GABBR2: variants seen among roughly 807,000 people sequenced by gnomAD.
GABBR2 encodes gamma-aminobutyric acid type B receptor subunit 2.
A neutral mutation model predicts 105.6 loss-of-function variants in GABBR2; 23 were observed. The observed-to-expected ratio is 0.22, with a 90% CI of 0.16 to 0.31. The LOEUF (loss-of-function observed/expected upper bound fraction) is 0.31, where lower values mean the gene tolerates loss of function less well. Among genes scored for constraint, GABBR2 ranks in the 10% least tolerant of loss-of-function variants. The pLI is 1.00. For missense variants in GABBR2, 734 were observed against 1,245.5 expected (o/e 0.59, Z 6.18); for synonymous variants, 478 against 499.7 (o/e 0.96, Z 0.58).
chr9:98,507,920 C>A (rs1221306155), intron 3 of GABBR2, among the ~76,000 whole-genome samples: 2 of 152,198 alleles, frequency 1.3e-5, no homozygotes, highest in Non-Finnish European at 2.9e-5. Flanking sequence ...CATCCCCAAC[C>A]ATCAGTCTTC....
intron 17 of GABBR2, among the ~76,000 whole-genome samples, chr9:98,298,041 T>TAG (rs1641788405): frequency 7.5e-6 from 1 of 133,556 alleles, no homozygotes; most frequent in African/African-American, 2.8e-5. Context: ...GACTCCATCT[T>TAG]AAAAAAAAAA....
intron 9 of GABBR2, among the ~76,000 whole-genome samples, chr9:98,391,166 T>C (rs1290312615): frequency 1.3e-5 from 2 of 152,042 alleles, no homozygotes; most frequent in Admixed American, 6.6e-5. Context: ...AGATGAAAAA[T>C]ACACTGTCCC....
chr9:98,559,113 G>A (rs190226533), intron 2 of GABBR2, among the ~76,000 whole-genome samples: 3 of 152,010 alleles, frequency 2.0e-5, no homozygotes, highest in Admixed American at 2.0e-4. Context: ...GTAATTATAT[G>A]TTTAATTAAC....
intron 7 of GABBR2, among the ~76,000 whole-genome samples, chr9:98,449,036 T>G (rs1309879573): frequency 6.6e-6 from 1 of 152,146 alleles, no homozygotes; most frequent in Non-Finnish European, 1.5e-5. Flanking sequence ...ATGAATTTAG[T>G]GCATCTTGAT....
At chr9:98,425,451 T>C (rs1370141348) in intron 7 of GABBR2, among the ~76,000 whole-genome samples, 1 of 152,212 alleles carries the variant, frequency 6.6e-6, no homozygotes, top group African/African-American at 2.4e-5. Context: ...TAGTCATTTG[T>C]GCACTCATTC....
intron 1 of GABBR2, among the ~76,000 whole-genome samples, chr9:98,587,701 C>A (rs1047459401): frequency 1.3e-5 from 2 of 152,220 alleles, no homozygotes; most frequent in Admixed American, 1.3e-4. Context: ...TAATCAATAC[C>A]ATCTAAAATT....
intron 3 of GABBR2, among the ~76,000 whole-genome samples, chr9:98,520,028 C>G (rs1827835060): frequency 6.6e-6 from 1 of 152,094 alleles, no homozygotes. Context: ...TAGCTATGTC[C>G]CCACTGCTGG....
At chr9:98,373,851 C>CTTTTTTTTTTTTT (rs577915397) in intron 11 of GABBR2, among the ~76,000 whole-genome samples, 2 of 86,690 alleles carry the variant, frequency 2.3e-5, no homozygotes, top group African/African-American at 9.8e-5. Flanking sequence ...CAAAGCATTC[C>CTTTTTTTTTTTTT]TTTTTTTTTT....
chr9:98,377,678 A>G (rs1334506445), intron 11 of GABBR2, among the ~76,000 whole-genome samples: 2 of 152,256 alleles, frequency 1.3e-5, no homozygotes, highest in Admixed American at 6.5e-5. Flanking sequence ...AGTGGCCCAC[A>G]TGTGGGGTGT....
chr9:98,299,483 G>T, intron 16 of GABBR2, 130 bp from the exon 17 acceptor site: 3 of 936,966 alleles, frequency 3.2e-6, no homozygotes, highest in South Asian at 3.1e-5. Flanking sequence ...AATCAGAGGG[G>T]TTACTGCATT....
At chr9:98,345,521 T>G (rs960994522) in intron 13 of GABBR2, among the ~76,000 whole-genome samples, 2 of 152,222 alleles carry the variant, frequency 1.3e-5, no homozygotes, top group Non-Finnish European at 2.9e-5. Context: ...AAAAACTAGA[T>G]GCTTTTCCTG....
chr9:98,612,579 A>C (rs577048715), intron 1 of GABBR2, among the ~76,000 whole-genome samples: 1 of 152,388 alleles, frequency 6.6e-6, no homozygotes, highest in African/African-American at 2.4e-5. Flanking sequence ...TAAACAAAAG[A>C]ATCCCAGCCA....
intron 7 of GABBR2, among the ~76,000 whole-genome samples, chr9:98,440,622 G>T (rs578038775): frequency 6.4e-4 from 97 of 152,308 alleles, no homozygotes; most frequent in African/African-American, 2.2e-3. Flanking sequence ...AAAGAAGAAG[G>T]AGGTGGCAGT....
intron 2 of GABBR2, among the ~76,000 whole-genome samples, chr9:98,546,272 C>T (rs779176383): frequency 1.3e-5 from 2 of 152,216 alleles, no homozygotes; most frequent in South Asian, 2.1e-4. Flanking sequence ...TATTATCATA[C>T]GCTTTGTATT....
intron 3 of GABBR2, among the ~76,000 whole-genome samples, chr9:98,502,697 G>T (rs530657611): frequency 1.3e-5 from 2 of 152,336 alleles, no homozygotes; most frequent in South Asian, 4.1e-4. Flanking sequence ...CCTGAGGTCA[G>T]GAGCCCTGGG....
intron 6 of GABBR2, among the ~76,000 whole-genome samples, chr9:98,458,842 C>CTGA: frequency 6.6e-6 from 1 of 152,212 alleles, no homozygotes; most frequent in Non-Finnish European, 1.5e-5. Flanking sequence ...TTGGTAACCA[C>CTGA]TGATGAAGTC....
intron 1 of GABBR2, among the ~76,000 whole-genome samples, chr9:98,661,973 C>T (rs1448300472): frequency 3.3e-5 from 5 of 152,158 alleles, no homozygotes; most frequent in Admixed American, 6.5e-5. Context: ...GCAACCACAT[C>T]GCAGCTCAAC....
intron 3 of GABBR2, among the ~76,000 whole-genome samples, chr9:98,537,705 G>A (rs1312543977): frequency 6.6e-6 from 1 of 151,956 alleles, no homozygotes; most frequent in Non-Finnish European, 1.5e-5. Flanking sequence ...CCAAAGTGAT[G>A]GAATTACAGG....
At chr9:98,598,023 A>C (rs538568028) in intron 1 of GABBR2, among the ~76,000 whole-genome samples, 1 of 152,156 alleles carries the variant, frequency 6.6e-6, no homozygotes, top group African/African-American at 2.4e-5. Context: ...GGGTTTCACC[A>C]TGTTGCCCAG....
Sources: allele counts gnomAD v4.1 joint callset (sites outside exome capture counted in the v4.1 genomes callset), GRCh38; gene constraint gnomAD v4.1.1; transcripts MANE v1.5; gene names NCBI Gene and HGNC (gene_info 2026-07-23, HGNC 2026-07-21).